Variants in LOXHD1 observed in about 807,000 individuals in gnomAD.
LOXHD1 encodes lipoxygenase homology domain-containing protein 1.
In LOXHD1, 205 loss-of-function variants were observed where a neutral mutation model predicts 248.2. The observed-to-expected ratio is 0.83, with a 90% CI of 0.74 to 0.93. The LOEUF (loss-of-function observed/expected upper bound fraction) is 0.93, where lower values mean the gene tolerates loss of function less well. Ranked by LOEUF, LOXHD1 falls within the 40% of genes least tolerant of loss-of-function variation. LOXHD1 has a pLI of 0.00. For synonymous variants in LOXHD1, 1,113 were observed against 1,162.8 expected (o/e 0.96, Z 0.87); for missense variants, 2,930 against 2,971.6 (o/e 0.99, Z 0.33).
At chr18:46,478,623 G>A (rs974894114) in intron 40 of LOXHD1, among the ~76,000 whole-genome samples, 3 of 151,978 alleles carry the variant, frequency 2.0e-5, no homozygotes, top group East Asian at 1.9e-4. Flanking sequence ...ACTTTACAAC[G>A]GTCTGCAAAA....
Position 46,538,352 on chromosome 18 carries a change from C to A in LOXHD1, c.3914-15G>T. 1 of 1,540,300 alleles carries A rather than the reference C, an allele frequency of 6.5e-7. No homozygotes were observed. The highest frequency in any genetic ancestry group is 1.2e-5 in the South Asian group (1 of 83,810). ...GTAAGGAACAACTGAGGGTGGTGGTCAGAGGGCAAAGCCAGAGTGGATGAG... is the reference window on the plus strand; with the variant it reads ...GTAAGGAACAACTGAGGGTGGTGGTAAGAGGGCAAAGCCAGAGTGGATGAG... On this transcript the variant is annotated splice_polypyrimidine_tract_variant and intron_variant, in intron 25 of 40. Coordinates refer to ENST00000642948, the MANE Select transcript of LOXHD1 (RefSeq NM_001384474.1).
intron 5 of LOXHD1, among the ~76,000 whole-genome samples, chr18:46,617,286 G>T (rs1183461961): frequency 6.6e-6 from 1 of 152,062 alleles, no homozygotes; most frequent in Non-Finnish European, 1.5e-5. Flanking sequence ...TTTTTTCCTG[G>T]TCTATTTTTT....
intron 35 of LOXHD1, 94 bp downstream of exon 35, chr18:46,509,604 T>C (rs542179062): frequency 9.0e-6 from 8 of 890,652 alleles, no homozygotes; most frequent in African/African-American, 1.7e-5. Context: ...TACAGTGACA[T>C]TTGTGCTTTA....
chr18:46,513,355 T>TA (rs1309123710), intron 34 of LOXHD1, among the ~76,000 whole-genome samples: 2 of 152,220 alleles, frequency 1.3e-5, no homozygotes, highest in African/African-American at 2.4e-5. Flanking sequence ...TTCTAAATCT[T>TA]GGAATCCATG....
chr18:46,560,052 T>TGCCCC, intron 19 of LOXHD1, 31 bp downstream of exon 19: 34 of 441,110 alleles, frequency 7.7e-5, no homozygotes, highest in Middle Eastern at 3.8e-4. Context: ...GGCCACTCCC[T>TGCCCC]CCCCACCCCC....
chr18:46,505,498 A>T (rs1223877203), intron 37 of LOXHD1, among the ~76,000 whole-genome samples: 1 of 152,204 alleles, frequency 6.6e-6, no homozygotes, highest in Admixed American at 6.5e-5. Flanking sequence ...ATAATCCTTT[A>T]TAGAAAATCC....
chr18:46,560,852 A>ACG (rs34336210), intron 18 of LOXHD1, among the ~76,000 whole-genome samples: 7 of 151,374 alleles, frequency 4.6e-5, no homozygotes, highest in Non-Finnish European at 8.8e-5. Flanking sequence ...ACACACACGC[A>ACG]CGCGCGCGCG....
At position 46,483,628 on chromosome 18, in the gene LOXHD1, A is replaced by G. The variant is rs2143529551; in HGVS notation, c.6300T>C (p.His2100=). 12 of 1,551,612 alleles carry G rather than the reference A, an allele frequency of 7.7e-6. No individual in the cohort carries two copies. The highest frequency in any genetic ancestry group is 1.0e-5 in the Non-Finnish European group (12 of 1,146,976). ...TCTCGGTGATGGTGATGGTCTTGAC[A>G]TGCCAGGCAAGTTCTCTCTTGGGGA... The part of the protein sequence containing the change: ...RFIPKRELAW[H]VKTITITEME... The change falls in exon 40 of 41, where the codon CAT becomes CAC. Residue 2100 remains histidine (H), a synonymous_variant. Coordinates refer to ENST00000642948, the MANE Select transcript of LOXHD1 (RefSeq NM_001384474.1).
intron 34 of LOXHD1, among the ~76,000 whole-genome samples, chr18:46,510,148 C>T (rs745971903): frequency 4.5e-4 from 69 of 152,154 alleles, no homozygotes; most frequent in Non-Finnish European, 6.6e-4. Context: ...TAACACTAGC[C>T]CTGCAATCTC....
chr18:46,534,913 C>T (rs896769644), intron 26 of LOXHD1, among the ~76,000 whole-genome samples: 4 of 152,202 alleles, frequency 2.6e-5, no homozygotes, highest in Non-Finnish European at 4.4e-5. Flanking sequence ...ATAGAAATGC[C>T]AGTCCCTAGA....
intron 13 of LOXHD1, among the ~76,000 whole-genome samples, chr18:46,578,372 T>C (rs2037899404): frequency 6.6e-6 from 1 of 151,862 alleles, no homozygotes; most frequent in Admixed American, 6.6e-5. Context: ...ACACTGAAGG[T>C]GGGATTGATG....
intron 40 of LOXHD1, among the ~76,000 whole-genome samples, chr18:46,478,260 AG>A (rs2032208909): frequency 6.6e-6 from 1 of 151,904 alleles, no homozygotes; most frequent in Non-Finnish European, 1.5e-5. Flanking sequence ...CATCTTGGCC[AG>A]GCTGGTCTGG....
intron 37 of LOXHD1, among the ~76,000 whole-genome samples, chr18:46,497,044 C>A (rs2033917965): frequency 6.6e-6 from 1 of 152,150 alleles, no homozygotes; most frequent in African/African-American, 2.4e-5. Flanking sequence ...CAGAAATCTT[C>A]CTTTTCTTGA....
At chr18:46,501,756 C>T (rs959537267) in intron 37 of LOXHD1, among the ~76,000 whole-genome samples, 2 of 152,254 alleles carry the variant, frequency 1.3e-5, no homozygotes, top group South Asian at 2.1e-4. Context: ...GCATAACTAC[C>T]GTGAATAGTG....
At position 46,524,524 on chromosome 18, in the gene LOXHD1, G is replaced by A. The variant is rs976758061; in HGVS notation, c.4818C>T (p.Ala1606=). The change falls in exon 31 of 41, where the codon GCC becomes GCT. Residue 1606 remains alanine, a synonymous_variant. Coordinates refer to ENST00000642948, the MANE Select transcript of LOXHD1 (RefSeq NM_001384474.1). ...CGGTCACTGTGCTGATGTCGACATC[G>A]GCCATCTTGGAGCTCAGGGCGATCT... ...FWEIALSSKM[A]DVDISTVTGP... 3.0e-5 allele frequency: 47 copies of A among 1,551,536 alleles called. No homozygotes were observed. Among genetic ancestry groups the A allele is most frequent in the South Asian group, 4.8e-5 (4 of 84,064 alleles).
At position 46,533,283 on chromosome 18, in the gene LOXHD1, GGCA is replaced by G; in HGVS notation, c.4251_4253del (p.Ala1418del). ...TGGTCTTTTTGTCATCCTCAGAGGT[GGCA>G]AGCCACCGATCGCATGGGAAAGTCA... is the stretch of plus-strand genomic sequence containing the variant. On this transcript the variant is annotated inframe_deletion, in exon 28 of 41. Transcript: ENST00000642948. 1 of 1,551,786 alleles carries G rather than the reference GGCA, an allele frequency of 6.4e-7. No individual in the cohort carries two copies. Among genetic ancestry groups the G allele is most frequent in the Non-Finnish European group, 8.7e-7 (1 of 1,147,008 alleles).
At chr18:46,520,664 C>T (rs1429810976) in intron 33 of LOXHD1, 1 of 242,496 alleles carries the variant, frequency 4.1e-6, no homozygotes, top group Non-Finnish European at 8.1e-6. Flanking sequence ...CACAGTATCC[C>T]AGATGCCATC....
chr18:46,505,429 C>A (rs2034499764), intron 37 of LOXHD1, among the ~76,000 whole-genome samples: 1 of 152,184 alleles, frequency 6.6e-6, no homozygotes, highest in South Asian at 2.1e-4. Flanking sequence ...GCAATCCTCT[C>A]ACCTTGGCCT....
At chr18:46,622,831 A>T (rs1268916325) in intron 4 of LOXHD1, among the ~76,000 whole-genome samples, 1 of 152,224 alleles carries the variant, frequency 6.6e-6, no homozygotes, top group Non-Finnish European at 1.5e-5. Context: ...TCCTAAAGGC[A>T]GGGACAGAGG....
Sources: allele counts gnomAD v4.1 joint callset (sites outside exome capture counted in the v4.1 genomes callset), GRCh38; gene constraint gnomAD v4.1.1; transcripts MANE v1.5; gene names NCBI Gene and HGNC (gene_info 2026-07-23, HGNC 2026-07-21).